BCAT1: variants seen among roughly 807,000 people sequenced by gnomAD.
BCAT1 encodes the protein branched-chain-amino-acid aminotransferase, cytosolic.
Under a neutral mutation model 52.4 loss-of-function variants are expected in BCAT1, and 48 were observed. The ratio of observed to expected loss-of-function variants is 0.92; its 90% CI spans 0.73 to 1.16. The LOEUF (loss-of-function observed/expected upper bound fraction) is 1.16, where lower values mean the gene tolerates loss of function less well. Among genes scored for constraint, BCAT1 ranks in the 50% most tolerant of loss-of-function variants. The pLI, the probability that BCAT1 is intolerant of heterozygous loss-of-function variation, is 0.00. For missense variants in BCAT1, 451 were observed against 457.1 expected (o/e 0.99, Z 0.12); for synonymous variants, 167 against 161.3 (o/e 1.04, Z -0.27).
In BCAT1 at chr12:24,876,623, G is replaced by A. The variant is rs369299005; in HGVS notation, c.510+1907C>T. ...AAAAAGTATCTCAGAATAACTGGAA[G>A]GTAGTGCTTTGAGATCAGTAACAAT... is the stretch of plus-strand genomic sequence containing the variant. On this transcript the variant is annotated intron_variant, in intron 5 of 10. Coordinates refer to ENST00000261192, the MANE Select transcript of BCAT1 (RefSeq NM_005504.7). 4.8e-4 allele frequency among the ~76,000 whole-genome samples: 73 copies of A among 152,250 alleles called. No individual in the cohort carries two copies. In the South Asian group the frequency reaches 6.8e-3, roughly 14 times the overall value.
intron 1 of BCAT1, among the ~76,000 whole-genome samples, chr12:24,933,972 C>T (rs918000409): frequency 9.9e-5 from 15 of 152,178 alleles, no homozygotes; most frequent in South Asian, 4.1e-4. Context: ...TCCTCTTGGC[C>T]GGCACCAGCT....
At chr12:24,840,999 G>A (rs866752594) in intron 7 of BCAT1, among the ~76,000 whole-genome samples, 17 of 151,860 alleles carry the variant, frequency 1.1e-4, no homozygotes, top group Admixed American at 7.9e-4. Flanking sequence ...TTCTCCCACC[G>A]TTGGCCATTT....
At chr12:24,891,958 C>A (rs1013760901) in intron 3 of BCAT1, among the ~76,000 whole-genome samples, 2 of 151,322 alleles carry the variant, frequency 1.3e-5, no homozygotes, top group African/African-American at 4.9e-5. Flanking sequence ...GGGGTTTCAC[C>A]ATGTTAGCCA....
chr12:24,841,388 G>A (rs1207104483), intron 7 of BCAT1, among the ~76,000 whole-genome samples: 1 of 152,094 alleles, frequency 6.6e-6, no homozygotes, highest in African/African-American at 2.4e-5. Context: ...TTTTATATAC[G>A]GTATATGGTG....
rs570954389 is a variant in BCAT1, at chr12:24,838,402, ACT to A, written c.818-1808_818-1807del. ...TGTTCTTGGCAATGTTCTTAGGGCT[ACT>A]CTTTGTCATGTTTAGAAGTGTTGAT... is the stretch of plus-strand genomic sequence containing the variant. On this transcript the variant is annotated intron_variant, in intron 7 of 10. Transcript: ENST00000261192. Among the ~76,000 whole-genome samples, 147 of 151,986 alleles carry A rather than the reference ACT, an allele frequency of 9.7e-4. 1 individual carries two copies. Among genetic ancestry groups the A allele is most frequent in the African/African-American group, 3.4e-3 (141 of 41,424 alleles).
chr12:24,928,908 T>A (rs1943637812), intron 1 of BCAT1, among the ~76,000 whole-genome samples: 1 of 151,886 alleles, frequency 6.6e-6, no homozygotes, highest in Admixed American at 6.6e-5. Context: ...CTAATTTTTT[T>A]TATTTTATTT....
intron 1 of BCAT1, 111 bp from the exon 2 acceptor site, chr12:24,901,996 C>A (rs766093150): frequency 2.5e-6 from 4 of 1,599,192 alleles, no homozygotes; most frequent in Non-Finnish European, 3.4e-6. Context: ...AGGACCCAGG[C>A]AAACACAAAA....
Position 24,816,788 on chromosome 12 carries a change from A to C in BCAT1, c.*1220T>G, listed in dbSNP as rs7134619. The stretch of plus-strand genomic sequence containing the variant: ...AGGGTGGTTTCAGGATGAAACTGTT[A>C]CACCTCAGGTCATCAAGCATTAGAT... On this transcript the variant is annotated 3_prime_UTR_variant, in exon 11 of 11. Transcript: ENST00000261192. The C allele has an allele frequency of 0.73, 281,033 of 385,696 alleles. 103,124 individuals carry two copies. Among genetic ancestry groups the C allele is most frequent in the East Asian group, 0.9 (24,914 of 27,568 alleles). The allele number at this position is 385,696 out of a possible 1,614,324, so 23.9% of individuals were successfully genotyped here.
chr12:24,926,417 T>C (rs949294813), intron 1 of BCAT1, among the ~76,000 whole-genome samples: 2 of 151,742 alleles, frequency 1.3e-5, no homozygotes, highest in African/African-American at 2.4e-5. Flanking sequence ...TTCTGGGAAG[T>C]GAGGAGCCCC....
intron 2 of BCAT1, among the ~76,000 whole-genome samples, chr12:24,897,805 C>T (rs531265801): frequency 1.1e-4 from 16 of 152,264 alleles, no homozygotes; most frequent in African/African-American, 3.6e-4. Flanking sequence ...CCACCCACCT[C>T]GGCCTCTGAA....
chr12:24,868,439 CTATT>C (rs998137353), intron 5 of BCAT1, among the ~76,000 whole-genome samples: 18 of 152,044 alleles, frequency 1.2e-4, no homozygotes, highest in African/African-American at 4.3e-4. Flanking sequence ...AGTATCACCA[CTATT>C]TATATTTTTT....
At chr12:24,939,749 C>T (rs573080745) in intron 1 of BCAT1, among the ~76,000 whole-genome samples, 1 of 152,292 alleles carries the variant, frequency 6.6e-6, no homozygotes. Flanking sequence ...AGGAGAATCG[C>T]TTGAACCTGG....
chr12:24,878,453 T>C (rs1942405764), intron 5 of BCAT1, 77 bp downstream of exon 5: 1 of 1,385,318 alleles, frequency 7.2e-7, no homozygotes, highest in Non-Finnish European at 9.7e-7. Context: ...GCAAACTATA[T>C]GCTAGAAGTT....
At chr12:24,869,846 A>G (rs1942131357) in intron 5 of BCAT1, among the ~76,000 whole-genome samples, 1 of 152,170 alleles carries the variant, frequency 6.6e-6, no homozygotes, top group African/African-American at 2.4e-5. Flanking sequence ...TTAGATTTTC[A>G]CTTTCACTCT....
chr12:24,936,004 G>A (rs936353426), intron 1 of BCAT1, among the ~76,000 whole-genome samples: 1 of 152,188 alleles, frequency 6.6e-6, no homozygotes, highest in South Asian at 2.1e-4. Context: ...CACCAGCAGC[G>A]CCTTTAACAT....
At position 24,826,791 on chromosome 12, in the gene BCAT1, G is replaced by A. The variant is rs573419849; in HGVS notation, c.1119+3032C>T. 2.0e-5 allele frequency among the ~76,000 whole-genome samples: 3 copies of A among 152,124 alleles called. No homozygotes were observed. The East Asian group carries it at 5.8e-4, about 29-fold the overall frequency. On this transcript the variant is annotated intron_variant, in intron 10 of 10. Coordinates refer to ENST00000261192, the MANE Select transcript of BCAT1 (RefSeq NM_005504.7). ...GAATATGGAATATCTTTCCACCTTT[G>A]TGTGTTTTCTTCAATTTTTTAAATC... is the stretch of plus-strand genomic sequence containing the variant.
chr12:24,822,636 A>T (rs1940189743), intron 10 of BCAT1, among the ~76,000 whole-genome samples: 1 of 152,204 alleles, frequency 6.6e-6, no homozygotes, highest in Non-Finnish European at 1.5e-5. Context: ...AGTTCCATGC[A>T]CATAGGCATG....
rs1373897251 is a variant in BCAT1, at chr12:24,902,270, C to G, written c.7-385G>C. ...CATTTATAGAAAAATCTCCAGGGCG[C>G]GCTCAGCCTCGTGGTCTTGTCAATC... On this transcript the variant is annotated intron_variant, in intron 1 of 10. Transcript: ENST00000261192. 6.7e-6 allele frequency: 9 copies of G among 1,333,376 alleles called. No individual in the cohort carries two copies. In the East Asian group the frequency reaches 2.3e-4, roughly 35 times the overall value. 82.6% of individuals were successfully genotyped at this position (1,333,376 alleles called of 1,614,324 possible). A position where few individuals can be genotyped will look rare whatever the true frequency, so the allele number is the denominator to read the frequency against.
chr12:24,948,804 G>A lies in BCAT1; in HGVS notation c.6+123C>T, dbSNP rs1028398648. On this transcript the variant is annotated intron_variant, in intron 1 of 10. Transcript: ENST00000261192. ...AAAGAAGATACTGAGACGTTTGCGG[G>A]GGATATAAGCCATGGTTGTCTCGCC... 15 of 1,039,504 alleles carry A rather than the reference G, an allele frequency of 1.4e-5. No individual in the cohort carries two copies. In the Admixed American group the frequency reaches 3.2e-4, roughly 22 times the overall value. The allele number at this position is 1,039,504 out of a possible 1,614,324, so 64.4% of individuals were successfully genotyped here.
Sources: allele counts gnomAD v4.1 joint callset (sites outside exome capture counted in the v4.1 genomes callset), GRCh38; gene constraint gnomAD v4.1.1; transcripts MANE v1.5; gene names NCBI Gene and HGNC (gene_info 2026-07-23, HGNC 2026-07-21).